The following ZDHHC15 variants were observed in gnomAD, a reference collection of about 807,000 sequenced individuals.
ZDHHC15 encodes the protein palmitoyltransferase ZDHHC15.
A neutral mutation model predicts 31.7 loss-of-function variants in ZDHHC15; 19 were observed. The ratio of observed to expected loss-of-function variants is 0.60; its 90% CI spans 0.42 to 0.88. The LOEUF (loss-of-function observed/expected upper bound fraction) is 0.88, where lower values mean the gene tolerates loss of function less well. Ranked by LOEUF, ZDHHC15 falls within the 40% of genes least tolerant of loss-of-function variation. The pLI is 0.00. For missense variants in ZDHHC15, 209 were observed against 251.2 expected (o/e 0.83, Z 1.14); for synonymous variants, 103 against 90.0 (o/e 1.14, Z -0.82).
intron 2 of ZDHHC15, among the ~76,000 whole-genome samples, chrX:75,481,257 A>C (rs2084684797): frequency 1.8e-5 from 2 of 111,693 alleles, no homozygotes; most frequent in African/African-American, 3.3e-5. Context: ...AGGAGAAAAC[A>C]ATTTCATGTT....
chrX:75,414,426 C>CTTTTTTTTTTTTTTT, intron 10 of ZDHHC15, among the ~76,000 whole-genome samples: 1 of 66,203 alleles, frequency 1.5e-5, no homozygotes, highest in Non-Finnish European at 2.5e-5. Flanking sequence ...CATATTTTAT[C>CTTTTTTTTTTTTTTT]TTTTTTTTTT....
intron 9 of ZDHHC15, among the ~76,000 whole-genome samples, chrX:75,420,181 G>A (rs2083606365): frequency 2.7e-5 from 3 of 111,339 alleles, no homozygotes; most frequent in Admixed American, 9.5e-5. Context: ...AGACATTTAT[G>A]TGGCCAACAA....
chrX:75,452,535 A>C (rs1468074861), intron 3 of ZDHHC15, among the ~76,000 whole-genome samples: 3 of 111,611 alleles, frequency 2.7e-5, no homozygotes, highest in Non-Finnish European at 5.6e-5. Context: ...TGCACCAAGC[A>C]GACCTAATAG....
chrX:75,450,582 C>T, intron 4 of ZDHHC15: 1 of 638,491 alleles, frequency 1.6e-6, no homozygotes, highest in Non-Finnish European at 2.3e-6. Context: ...AAAATGTTAG[C>T]AGAAGAATCC....
chrX:75,488,601 A>T (rs893233749), intron 2 of ZDHHC15, among the ~76,000 whole-genome samples: 2 of 112,387 alleles, frequency 1.8e-5, no homozygotes, highest in African/African-American at 3.2e-5. Flanking sequence ...CATATTAAAA[A>T]ATAACATAAT....
chrX:75,478,932 A>C lies in ZDHHC15; in HGVS notation c.217T>G (p.Trp73Gly), dbSNP rs763216900. The change falls in exon 3 of 12, where the codon TGG (tryptophan) becomes GGG (glycine). Residue 73 changes from tryptophan (W) to glycine (G), a missense_variant. Trp to Gly is a radical substitution (Grantham distance 184). Transcript: ENST00000373367. ...AIFVFFTWTY[W>G]KSIFTLPQQP... ...TGTGGGAGTGTAAAGATAGACTTCC[A>C]GTAGGTCCAGGTAAAGAACACAAAG... 6 of 1,204,678 alleles carry C rather than the reference A, an allele frequency of 5.0e-6. No individual in the cohort carries two copies. Among genetic ancestry groups the C allele is most frequent in the Admixed American group, 2.2e-5 (1 of 45,047 alleles).
chrX:75,378,199 C>A (rs996543602), intron 11 of ZDHHC15, among the ~76,000 whole-genome samples: 1 of 112,005 alleles, frequency 8.9e-6, no homozygotes, highest in African/African-American at 3.2e-5. Flanking sequence ...CCTAGGTTGG[C>A]CACTTACTAC....
intron 10 of ZDHHC15, chrX:75,384,512 G>T: frequency 1.3e-6 from 1 of 749,831 alleles, no homozygotes; most frequent in Non-Finnish European, 2.1e-6. Flanking sequence ...CCCCACAAGT[G>T]TTACCATGGC....
intron 2 of ZDHHC15, among the ~76,000 whole-genome samples, chrX:75,483,083 A>G (rs779499059): frequency 0.033 from 2,224 of 67,166 alleles, 38 homozygotes; most frequent in East Asian, 0.26. Flanking sequence ...GTGTATGTGT[A>G]TATATATATA....
In ZDHHC15 at chrX:75,499,412, A is replaced by G. The variant is rs1014609082; in HGVS notation, c.163+6409T>C. Among the ~76,000 whole-genome samples, 3 of 111,837 alleles carry G rather than the reference A, an allele frequency of 2.7e-5. No individual in the cohort carries two copies. In the Admixed American group the frequency reaches 2.9e-4, roughly 11 times the overall value. ...GGACTAATATCCAGAATCTACAAGG[A>G]ACTCAAACAAATCATCAAGAAAAAA... On this transcript the variant is annotated intron_variant, in intron 2 of 11. Transcript: ENST00000373367.
rs1216248951 is a variant in ZDHHC15, at chrX:75,478,909, T to G, written c.240A>C (p.Pro80=). The G allele has an allele frequency of 5.0e-6, 6 of 1,204,787 alleles. No individual in the cohort carries two copies. Among genetic ancestry groups the G allele is most frequent in the Non-Finnish European group, 6.7e-6 (6 of 890,835 alleles). ...TTCTTACCTTCTGGTTTGGCTGCTG[T>G]GGGAGTGTAAAGATAGACTTCCAGT... ...WTYWKSIFTL[P]QQPNQKFHLS... The change falls in exon 3 of 12, where the codon CCA becomes CCC. Residue 80 remains proline (P), a synonymous_variant. Coordinates refer to ENST00000373367, the MANE Select transcript of ZDHHC15 (RefSeq NM_144969.3).
intron 2 of ZDHHC15, among the ~76,000 whole-genome samples, chrX:75,481,448 T>A (rs1479937883): frequency 8.9e-6 from 1 of 111,883 alleles, no homozygotes; most frequent in African/African-American, 3.3e-5. Flanking sequence ...ACGCATCAAC[T>A]GGTTCAATCA....
chrX:75,423,488 C>T (rs185670059), intron 8 of ZDHHC15, among the ~76,000 whole-genome samples: 34 of 105,184 alleles, frequency 3.2e-4, no homozygotes, highest in Non-Finnish European at 4.3e-4. Context: ...AGGATAATGG[C>T]TTCAAGCTTC....
intron 4 of ZDHHC15, among the ~76,000 whole-genome samples, chrX:75,445,270 T>G (rs769372564): frequency 9.0e-6 from 1 of 111,682 alleles, no homozygotes; most frequent in Admixed American, 9.6e-5. Context: ...AATTGGCTCT[T>G]CAATCTTAGT....
At position 75,520,403 on chromosome X, in the gene ZDHHC15, T is replaced by C. The variant is rs182219755; in HGVS notation, c.136+2486A>G. Among the ~76,000 whole-genome samples the C allele has an allele frequency of 3.6e-5, 4 of 112,156 alleles. No individual in the cohort carries two copies. In the East Asian group the frequency reaches 8.3e-4, roughly 23 times the overall value. On this transcript the variant is annotated intron_variant, in intron 1 of 11. Transcript: ENST00000373367. ...AAACAGTAATGGTACCTGCCTCATA[T>C]AGTTATTGTGATGATTAAATGAATT... is the stretch of plus-strand genomic sequence containing the variant.
At chrX:75,496,357 A>C (rs1042722434) in intron 2 of ZDHHC15, among the ~76,000 whole-genome samples, 7 of 111,753 alleles carry the variant, frequency 6.3e-5, no homozygotes, top group African/African-American at 2.3e-4. Context: ...TTTATGAAAC[A>C]ATAACTATTA....
intron 2 of ZDHHC15, chrX:75,502,034 C>A (rs1207340512): frequency 8.9e-6 from 1 of 111,739 alleles, no homozygotes; most frequent in Non-Finnish European, 1.9e-5. Context: ...CAAATGGAAA[C>A]CTAATATTCT....
chrX:75,419,964 G>T (rs1292459823), intron 9 of ZDHHC15, among the ~76,000 whole-genome samples: 12 of 67,211 alleles, frequency 1.8e-4, no homozygotes, highest in African/African-American at 7.0e-4. Flanking sequence ...TGGGGGGAGG[G>T]GGGAGGGATA....
rs1602684885 is a variant in ZDHHC15 at position 75,472,426 on chromosome X, T to C, written c.258+6465A>G. The stretch of plus-strand genomic sequence containing the variant: ...TGTGCACTTTGCATGGAGGAAGAAA[T>C]GGCCAGATGTGCAATTATATACTGA... On this transcript the variant is annotated intron_variant, in intron 3 of 11. Transcript: ENST00000373367. Among the ~76,000 whole-genome samples the C allele has an allele frequency of 2.7e-5, 3 of 112,032 alleles. No homozygotes were observed. The South Asian group carries it at 1.1e-3, about 42-fold the overall frequency.
Sources: allele counts gnomAD v4.1 joint callset (sites outside exome capture counted in the v4.1 genomes callset), GRCh38; gene constraint gnomAD v4.1.1; transcripts MANE v1.5; gene names NCBI Gene and HGNC (gene_info 2026-07-23, HGNC 2026-07-21).